Variants in POLR2J observed in about 807,000 individuals in gnomAD.
POLR2J encodes the protein RNA polymerase II subunit J.
Under a neutral mutation model 13.4 loss-of-function variants are expected in POLR2J, and 12 were observed. That is an observed-to-expected ratio of 0.90 (90% confidence interval 0.57 to 1.45). The LOEUF is 1.45. Ranked by LOEUF, POLR2J falls within the 40% of genes most tolerant of loss-of-function variation. POLR2J has a pLI of 0.00. For missense variants in POLR2J, 58 were observed against 132.0 expected (o/e 0.44, Z 2.75); for synonymous variants, 31 against 53.6 (o/e 0.58, Z 1.84).
chr7:102,478,768 G>T lies in POLR2J; in HGVS notation c.53+40C>A, dbSNP rs749247361. On this transcript the variant is annotated intron_variant, in intron 1 of 3. Transcript: ENST00000292614. ...GACACCCCAGAATGCGACAGCCGCA[G>T]GCCCGCGCACCTCGGCCCGCCGCAG... The T allele has an allele frequency of 2.9e-5, 47 of 1,609,220 alleles. No individual in the cohort carries two copies. The South Asian group carries it at 4.3e-4, about 15-fold the overall frequency.
chr7:102,474,017 G>A (rs555640783), intron 3 of POLR2J: 2 of 1,439,068 alleles, frequency 1.4e-6, no homozygotes, highest in South Asian at 1.5e-5. Context: ...CCGGGGGTGA[G>A]CTGCCTCCCA....
At chr7:102,478,582 G>A in intron 1 of POLR2J, among the ~76,000 whole-genome samples, 1 of 151,532 alleles carries the variant, frequency 6.6e-6, no homozygotes, top group African/African-American at 2.4e-5. Context: ...GCCACTTCCT[G>A]TGTCCGGGGC....
At position 102,476,072 on chromosome 7, in the gene POLR2J, C is replaced by T. The variant is rs1049385229; in HGVS notation, c.143+109G>A. The T allele has an allele frequency of 4.8e-5, 28 of 588,634 alleles. No homozygotes were observed. In the African/African-American group the frequency reaches 5.3e-4, roughly 11 times the overall value. The allele number at this position is 588,634 out of a possible 1,614,324, so 36.5% of individuals were successfully genotyped here. On this transcript the variant is annotated intron_variant, in intron 2 of 3. Coordinates refer to ENST00000292614, the MANE Select transcript of POLR2J (RefSeq NM_006234.6). ...TTATAAAATGCCCAGAGCAAGCCCC[C>T]AGAAGGACTTCCTGTAGCTCAGAGA...
rs1469160173 is a variant in POLR2J, at chr7:102,477,985, CCT to C, written c.53+821_53+822del. Among the ~76,000 whole-genome samples the C allele has an allele frequency of 1.6e-4, 19 of 120,474 alleles. No individual in the cohort carries two copies. The East Asian group carries it at 4.6e-3, about 29-fold the overall frequency. The allele number at this position is 120,474 out of a possible 152,430, so 79.0% of individuals were successfully genotyped here. ...GTGAACCAGCGCACCTGGCCAGATC[CCT>C]TTTTTTGTTTTTTGAAACGGAGTTT... is the stretch of plus-strand genomic sequence containing the variant. On this transcript the variant is annotated intron_variant, in intron 1 of 3. Transcript: ENST00000292614.
chr7:102,476,010 T>C (rs1401452779), intron 2 of POLR2J, among the ~76,000 whole-genome samples, 171 bp downstream of exon 2: 1 of 131,604 alleles, frequency 7.6e-6, no homozygotes, highest in Non-Finnish European at 1.7e-5. Flanking sequence ...TGTGAAGACA[T>C]GGAGGTCGGT....
chr7:102,473,538 A>ACGTCGGTGTCAGGGTGAGGGGTGGCCACT lies in POLR2J; in HGVS notation c.*110_*111insAGTGGCCACCCCTCACCCTGACACCGACG. ...CGGTGTCAGGGTGAGGGGTGGCCAC[A>ACGTCGGTGTCAGGGTGAGGGGTGGCCACT]AGGCGGGCCATGGCTGGGACCGGCC... On this transcript the variant is annotated 3_prime_UTR_variant, in exon 4 of 4. Coordinates refer to ENST00000292614, the MANE Select transcript of POLR2J (RefSeq NM_006234.6). 1 of 1,093,336 alleles carries ACGTCGGTGTCAGGGTGAGGGGTGGCCACT rather than the reference A, an allele frequency of 9.1e-7. No individual in the cohort carries two copies. Among genetic ancestry groups the ACGTCGGTGTCAGGGTGAGGGGTGGCCACT allele is most frequent in the East Asian group, 6.9e-5 (1 of 14,426 alleles). The allele number at this position is 1,093,336 out of a possible 1,614,324, so 67.7% of individuals were successfully genotyped here. A position where few individuals can be genotyped will look rare whatever the true frequency, so the allele number is the denominator to read the frequency against.
At chr7:102,474,260 C>A (rs971297913) in intron 3 of POLR2J, 101 bp downstream of exon 3, 243 of 1,606,530 alleles carry the variant, frequency 1.5e-4, no homozygotes, top group Non-Finnish European at 2.0e-4. Context: ...TGCCGCCTCT[C>A]CCCCAGGACC....
At chr7:102,474,196 C>T (rs1798341792) in intron 3 of POLR2J, 165 bp downstream of exon 3, 1 of 1,549,524 alleles carries the variant, frequency 6.5e-7, no homozygotes, top group Non-Finnish European at 8.7e-7. Context: ...ACTCCACAGC[C>T]CCTCAGTCCA....
chr7:102,474,182 C>G (rs1240601668), intron 3 of POLR2J, 179 bp downstream of exon 3: 7 of 1,545,850 alleles, frequency 4.5e-6, no homozygotes, highest in Middle Eastern at 2.3e-4. Flanking sequence ...AGCCACAGGC[C>G]CAGACTCCAC....
In POLR2J at chr7:102,473,595, G is replaced by T; in HGVS notation, c.*54C>A. The T allele has an allele frequency of 1.3e-6, 2 of 1,590,978 alleles. No homozygotes were observed. The highest frequency in any genetic ancestry group is 1.7e-5 in the Admixed American group (1 of 57,846). On this transcript the variant is annotated 3_prime_UTR_variant, in exon 4 of 4. Transcript: ENST00000292614. ...CTCGGTGTGGTACCTGGAGCGGAGG[G>T]TCAGGCACAGGTAGGAACGGGGCTC...
chr7:102,474,411 C>T lies in POLR2J; in HGVS notation c.268G>A (p.Ala90Thr), dbSNP rs142554831. ...AGCTCACTGATGAGGTCGGTGATGGCGTTGGTAAAGGCTTCCTGGGGGCTG... is the reference window on the plus strand; with the variant it reads ...AGCTCACTGATGAGGTCGGTGATGGTGTTGGTAAAGGCTTCCTGGGGGCTG... ...DYSPQEAFTNAITDLISELSL... is the reference protein window; with the variant it reads ...DYSPQEAFTNTITDLISELSL... Residue 90 changes from alanine (A) to threonine (T), a missense_variant, in exon 3 of 4, where the codon GCC (alanine) becomes ACC (threonine). By Grantham distance (58) the Ala-to-Thr change is moderately conservative. This residue lies in a region of POLR2J where 17 missense variants were observed against 43.6 expected (regional missense o/e 0.39). Transcript: ENST00000292614. 18 of 1,610,728 alleles carry T rather than the reference C, an allele frequency of 1.1e-5. No homozygotes were observed. In the African/African-American group the frequency reaches 1.5e-4, roughly 13 times the overall value.
Position 102,473,328 on chromosome 7 carries a change from C to T in POLR2J, c.*321G>A, listed in dbSNP as rs527966731. The T allele has an allele frequency of 2.0e-4, 111 of 566,096 alleles. 1 individual carries two copies. In the East Asian group the frequency reaches 3.3e-3, roughly 17 times the overall value. The allele number at this position is 566,096 out of a possible 1,614,324, so 35.1% of individuals were successfully genotyped here. A position where few individuals can be genotyped will look rare whatever the true frequency, so the allele number is the denominator to read the frequency against. On this transcript the variant is annotated 3_prime_UTR_variant, in exon 4 of 4. Transcript: ENST00000292614. ...CACAGCCCCCGCAGCAGCCCCTGGA[C>T]CCCGGATCTTTGGTCCAGAATGAAT...
intron 3 of POLR2J, chr7:102,474,036 G>T (rs1313593466): frequency 2.1e-6 from 3 of 1,443,576 alleles, no homozygotes; most frequent in Non-Finnish European, 2.7e-6. Flanking sequence ...CAGAGACCTG[G>T]AAGGACCAGG....
chr7:102,473,295 CGGCTCAGCACA>C lies in POLR2J; in HGVS notation c.*343_*353del, dbSNP rs1411372749. 1 of 580,862 alleles carries C rather than the reference CGGCTCAGCACA, an allele frequency of 1.7e-6. No individual in the cohort carries two copies. The highest frequency in any genetic ancestry group is 3.0e-5 in the East Asian group (1 of 33,132). 36.0% of individuals were successfully genotyped at this position (580,862 alleles called of 1,614,324 possible). A position where few individuals can be genotyped will look rare whatever the true frequency, so the allele number is the denominator to read the frequency against. On this transcript the variant is annotated 3_prime_UTR_variant, in exon 4 of 4. Transcript: ENST00000292614. ...GCTCATGGGTTTGCACACTTCTCTC[CGGCTCAGCACA>C]GCCCCCGCAGCAGCCCCTGGACCCC...
intron 3 of POLR2J, chr7:102,474,141 AG>A (rs1798337939): frequency 6.6e-7 from 1 of 1,518,518 alleles, no homozygotes; most frequent in South Asian, 1.3e-5. Flanking sequence ...GGGACCCTGC[AG>A]CACTACAGAA....
chr7:102,477,044 GAA>G (rs1166549083), intron 1 of POLR2J, among the ~76,000 whole-genome samples: 1 of 130,416 alleles, frequency 7.7e-6, no homozygotes, highest in Admixed American at 7.9e-5. Context: ...AAAAGGTGAA[GAA>G]GAGAGGCCCT....
chr7:102,475,585 T>G (rs1218064962), intron 2 of POLR2J, among the ~76,000 whole-genome samples: 1 of 152,258 alleles, frequency 6.6e-6, no homozygotes. Flanking sequence ...ACAGGCCTAC[T>G]GTGCTGGAAT....
In POLR2J at chr7:102,473,375, C is replaced by G. The variant is rs1174808479; in HGVS notation, c.*274G>C. ...GAATTCATCCCTGCCAGCCGGACGC[C>G]CCTGAAACAGGTCATCTGCCTGCAT... is the stretch of plus-strand genomic sequence containing the variant. On this transcript the variant is annotated 3_prime_UTR_variant, in exon 4 of 4. Transcript: ENST00000292614. The G allele has an allele frequency of 1.7e-6, 1 of 586,414 alleles. No homozygotes were observed. The highest frequency in any genetic ancestry group is 3.0e-5 in the East Asian group (1 of 32,792). The allele number at this position is 586,414 out of a possible 1,614,324, so 36.3% of individuals were successfully genotyped here.
chr7:102,474,925 G>A (rs1200096639), intron 2 of POLR2J, among the ~76,000 whole-genome samples: 28 of 150,252 alleles, frequency 1.9e-4, no homozygotes, highest in Non-Finnish European at 1.0e-4. Flanking sequence ...CCAGCTGCCG[G>A]CAGTGAGTGG....
Sources: allele counts gnomAD v4.1 joint callset (sites outside exome capture counted in the v4.1 genomes callset), GRCh38; gene constraint gnomAD v4.1.1; regional missense constraint gnomAD v4.1.1; transcripts MANE v1.5; gene names NCBI Gene and HGNC (gene_info 2026-07-23, HGNC 2026-07-21).